Variants in TG observed in about 807,000 individuals in gnomAD.
TG encodes the protein thyroid hormones.
Under a neutral mutation model 324.7 loss-of-function variants are expected in TG, and 270 were observed. The observed-to-expected ratio is 0.83, with a 90% CI of 0.75 to 0.92. The LOEUF (loss-of-function observed/expected upper bound fraction) is 0.92. Ranked by LOEUF, TG falls within the 40% of genes least tolerant of loss-of-function variation. The probability of loss-of-function intolerance (pLI) is 0.00; values close to 1 mark genes in which losing one functional copy is unlikely to be tolerated. For synonymous variants in TG, 1,401 were observed against 1,327.0 expected (o/e 1.06, Z -1.21); for missense variants, 3,591 against 3,456.4 (o/e 1.04, Z -0.98).
chr8:133,133,716 G>T, intron 47 of TG, 56 bp downstream of exon 47: 1 of 1,576,116 alleles, frequency 6.3e-7, no homozygotes, highest in Non-Finnish European at 8.6e-7. Flanking sequence ...AGCATCTGCT[G>T]TGCTCGCTGC....
intron 41 of TG, among the ~76,000 whole-genome samples, chr8:133,070,840 A>G (rs1046264557): frequency 1.3e-5 from 2 of 152,200 alleles, no homozygotes; most frequent in African/African-American, 4.8e-5. Context: ...ACCGTGGTGA[A>G]GTTGTCCCTT....
chr8:132,878,235 G>A (rs559302863), intron 5 of TG, among the ~76,000 whole-genome samples: 1 of 152,224 alleles, frequency 6.6e-6, no homozygotes, highest in South Asian at 2.1e-4. Flanking sequence ...TCATGAAGGG[G>A]GGAACACTGT....
intron 2 of TG, 109 bp downstream of exon 2, chr8:132,868,332 G>A (rs1839163269): frequency 2.0e-6 from 2 of 1,022,004 alleles, no homozygotes; most frequent in African/African-American, 1.6e-5. Flanking sequence ...TTGTGCATGT[G>A]AGGCTTGGCC....
intron 41 of TG, among the ~76,000 whole-genome samples, chr8:133,057,774 CAA>C (rs5895173): frequency 3.7e-4 from 52 of 142,034 alleles, no homozygotes; most frequent in South Asian, 1.6e-3. Flanking sequence ...AAACAAAAAA[CAA>C]AAAAAAAAAA....
chr8:132,921,392 GAA>G (rs1414454916), intron 21 of TG, among the ~76,000 whole-genome samples: 2 of 152,316 alleles, frequency 1.3e-5, no homozygotes, highest in East Asian at 3.9e-4. Context: ...CCTGAGCAGT[GAA>G]AGAGATTTTA....
intron 35 of TG, among the ~76,000 whole-genome samples, chr8:132,999,433 T>C (rs1833230975): frequency 6.6e-6 from 1 of 152,238 alleles, no homozygotes; most frequent in Non-Finnish European, 1.5e-5. Context: ...GCCTTCCAGA[T>C]GGCATCCCTT....
chr8:132,941,251 T>G, intron 25 of TG, 100 bp from the exon 26 acceptor site: 1 of 1,413,632 alleles, frequency 7.1e-7, no homozygotes, highest in South Asian at 1.2e-5. Flanking sequence ...TGGAGCACTG[T>G]TGCAGCTAAG....
chr8:132,984,218 A>G (rs73357219), intron 35 of TG, among the ~76,000 whole-genome samples: 3,274 of 152,356 alleles, frequency 0.021, 123 homozygotes, highest in African/African-American at 0.074. Context: ...ATCTGTCATT[A>G]TGGCTATTAT....
chr8:132,967,373 AG>A (rs1437497347), intron 30 of TG, among the ~76,000 whole-genome samples: 1 of 152,168 alleles, frequency 6.6e-6, no homozygotes, highest in African/African-American at 2.4e-5. Context: ...GCCCTTGGGG[AG>A]CTCATATATA....
intron 41 of TG, among the ~76,000 whole-genome samples, chr8:133,075,629 C>T (rs972365849): frequency 6.6e-5 from 10 of 152,118 alleles, no homozygotes; most frequent in East Asian, 1.9e-4. Context: ...CGTATCATGA[C>T]GGCTATATCT....
intron 6 of TG, 140 bp downstream of exon 6, chr8:132,882,109 C>A (rs1415247986): frequency 3.0e-6 from 2 of 665,470 alleles, no homozygotes; most frequent in Non-Finnish European, 5.2e-6. Flanking sequence ...GAGGAGGACA[C>A]AACCTTAGCA....
At chr8:133,096,947 G>A (rs1044072405) in intron 43 of TG, among the ~76,000 whole-genome samples, 5 of 152,326 alleles carry the variant, frequency 3.3e-5, no homozygotes, top group African/African-American at 1.2e-4. Context: ...GCTCTCGCCA[G>A]AAGTTACAGC....
chr8:133,080,586 G>C (rs1336220758), intron 41 of TG, among the ~76,000 whole-genome samples: 2 of 152,030 alleles, frequency 1.3e-5, no homozygotes, highest in Non-Finnish European at 2.9e-5. Context: ...CCAAACTCAG[G>C]ACCATCTTCA....
intron 30 of TG, among the ~76,000 whole-genome samples, chr8:132,967,006 ATCCATCCCATCCATCCT>A (rs1216788307): frequency 6.8e-6 from 1 of 147,100 alleles, no homozygotes; most frequent in Non-Finnish European, 1.5e-5. Flanking sequence ...CTACCCATTT[ATCCATCCCATCCATCCT>A]TCCATCCCAT....
chr8:132,927,653 A>G (rs1399643573), intron 22 of TG, among the ~76,000 whole-genome samples: 2 of 152,078 alleles, frequency 1.3e-5, no homozygotes, highest in African/African-American at 4.8e-5. Flanking sequence ...GAAGATCTCT[A>G]TCACCAAGGT....
At chr8:133,088,471 A>C (rs570268932) in intron 41 of TG, among the ~76,000 whole-genome samples, 8 of 152,306 alleles carry the variant, frequency 5.3e-5, no homozygotes, top group African/African-American at 1.9e-4. Context: ...ACCTTGGAAA[A>C]ATTACCTACC....
chr8:132,868,882 G>A (rs1839216551), intron 2 of TG, among the ~76,000 whole-genome samples: 1 of 152,204 alleles, frequency 6.6e-6, no homozygotes, highest in African/African-American at 2.4e-5. Flanking sequence ...ATTTCCTTGT[G>A]CTATTCCAGT....
At chr8:133,008,931 A>G (rs1247722204) in intron 35 of TG, among the ~76,000 whole-genome samples, 1 of 152,246 alleles carries the variant, frequency 6.6e-6, no homozygotes, top group African/African-American at 2.4e-5. Flanking sequence ...GTTTGTTCTC[A>G]GAATTTTCAT....
chr8:133,047,599 A>T (rs1839667651), intron 41 of TG: 2 of 557,796 alleles, frequency 3.6e-6, no homozygotes, highest in Admixed American at 3.1e-5. Context: ...ATCAGGCCTG[A>T]TGTTGGCCAG....
Sources: allele counts gnomAD v4.1 joint callset (sites outside exome capture counted in the v4.1 genomes callset), GRCh38; gene constraint gnomAD v4.1.1; transcripts MANE v1.5; gene names NCBI Gene and HGNC (gene_info 2026-07-23, HGNC 2026-07-21).